Variants in PCDHGB4 observed in about 807,000 individuals in gnomAD.
PCDHGB4 encodes the protein protocadherin gamma subfamily B, 4, also known as protocadherin gamma-B4.
Under a neutral mutation model 60.5 loss-of-function variants are expected in PCDHGB4, and 38 were observed. The observed-to-expected ratio is 0.63, with a 90% CI of 0.48 to 0.82. PCDHGB4 has a LOEUF of 0.82. Ranked by LOEUF, PCDHGB4 falls within the 40% of genes least tolerant of loss-of-function variation. The probability of loss-of-function intolerance (pLI) is 0.00; values close to 1 mark genes in which losing one functional copy is unlikely to be tolerated. For missense variants in PCDHGB4, 1,109 were observed against 1,209.6 expected, an observed-to-expected ratio of 0.92 and a Z score of 1.23; for synonymous variants, 456 against 509.7, an observed-to-expected ratio of 0.89 and a Z score of 1.42.
rs2099687792 is a variant in PCDHGB4, at chr5:141,489,485, G to GT, written c.2398-5321dup. Reference sequence around the variant, plus strand: ...TATTTTTCCCTGAGCTTGATGAGTGGTGCCCTGGCAGTGAATCAAAAGATT... The same window carrying GT: ...TATTTTTCCCTGAGCTTGATGAGTGGTTGCCCTGGCAGTGAATCAAAAGATT... On this transcript the variant is annotated intron_variant, in intron 1 of 3. Coordinates refer to ENST00000519479, the MANE Select transcript of PCDHGB4 (RefSeq NM_003736.4). This position sits in a 1 kb window ranked among gnomAD's most constrained non-coding sequence, Gnocchi z 4.5. The GT allele has an allele frequency of 6.2e-7, 1 of 1,614,088 alleles. No individual in the cohort carries two copies. The highest frequency in any genetic ancestry group is 2.2e-5 in the East Asian group (1 of 44,868).
rs2099749948 is a variant in PCDHGB4 at position 141,493,762 on chromosome 5, C to T, written c.2398-1045C>T. Among the ~76,000 whole-genome samples the T allele has an allele frequency of 1.3e-5, 2 of 152,130 alleles. No homozygotes were observed. Among genetic ancestry groups the T allele is most frequent in the South Asian group, 4.1e-4 (2 of 4,830 alleles). Reference sequence around the variant, plus strand: ...TGCCACCTGTGAGCCTTGAGTGAGCCACTGGCAGTTCCGGAGCTTCCTTCT... The same window carrying T: ...TGCCACCTGTGAGCCTTGAGTGAGCTACTGGCAGTTCCGGAGCTTCCTTCT... On this transcript the variant is annotated intron_variant, in intron 1 of 3. Transcript: ENST00000519479. The surrounding 1 kb of genome is among the most constrained non-coding windows in gnomAD (Gnocchi z 4.3).
At chr5:141,433,123 C>A in intron 1 of PCDHGB4, 1 of 1,614,116 alleles carries the variant, frequency 6.2e-7, no homozygotes, top group Non-Finnish European at 8.5e-7. Context: ...TTGAAAAAAG[C>A]GAGCCCCTTT....
At chr5:141,430,837 CG>C in intron 1 of PCDHGB4, 1 of 1,560,074 alleles carries the variant, frequency 6.4e-7, no homozygotes, top group African/African-American at 1.4e-5. Flanking sequence ...TGTGGGAGAC[CG>C]GATGCACCCA....
intron 1 of PCDHGB4, chr5:141,408,227 C>G (rs771279344): frequency 1.9e-6 from 3 of 1,562,978 alleles, no homozygotes; most frequent in East Asian, 2.4e-5. Context: ...CGCGCAGAGG[C>G]GCCGGGCCGG....
rs374095590 is a variant in PCDHGB4, at chr5:141,431,523, T to C, written c.2397+41242T>C. On this transcript the variant is annotated intron_variant, in intron 1 of 3. Coordinates refer to ENST00000519479, the MANE Select transcript of PCDHGB4 (RefSeq NM_003736.4). This position sits in a 1 kb window ranked among gnomAD's most constrained non-coding sequence, Gnocchi z 4.8. ...TACCGCGCGAGCGTTCCGGAGAATC[T>C]GGCCTTGGGCACGCAGCTGCTTGTA... 13 of 1,613,952 alleles carry C rather than the reference T, an allele frequency of 8.1e-6. No homozygotes were observed. The African/African-American group carries it at 1.5e-4, about 18-fold the overall frequency.
rs533568792 is a variant in PCDHGB4 at position 141,393,506 on chromosome 5, A to G, written c.2397+3225A>G. The G allele has an allele frequency of 7.4e-6, 12 of 1,614,032 alleles. No individual in the cohort carries two copies. The East Asian group carries it at 2.5e-4, about 33-fold the overall frequency. ...CTAGCACAGTGCGCATCCACGTGAC[A>G]GTGTTGGATACAAATGACAATGCCC... On this transcript the variant is annotated intron_variant, in intron 1 of 3. Transcript: ENST00000519479.
At position 141,432,730 on chromosome 5, in the gene PCDHGB4, T is replaced by A; in HGVS notation, c.2397+42449T>A. 6.2e-7 allele frequency: 1 copy of A among 1,614,052 alleles called. No homozygotes were observed. Among genetic ancestry groups the A allele is most frequent in the Non-Finnish European group, 8.5e-7 (1 of 1,179,976 alleles). Reference sequence around the variant, plus strand: ...ACGGCCAGCCCCCTCTCTCCGCCACTGTCACGCTCACCGTGGCCGTGGCCG... The same window carrying A: ...ACGGCCAGCCCCCTCTCTCCGCCACAGTCACGCTCACCGTGGCCGTGGCCG... On this transcript the variant is annotated intron_variant, in intron 1 of 3. Transcript: ENST00000519479. The surrounding 1 kb of genome is among the most constrained non-coding windows in gnomAD (Gnocchi z 6.0).
At chr5:141,473,907 C>A (rs552055360) in intron 1 of PCDHGB4, among the ~76,000 whole-genome samples, 1 of 152,102 alleles carries the variant, frequency 6.6e-6, no homozygotes. Flanking sequence ...ATGAAGAGGT[C>A]TTAAGAAAAC....
intron 1 of PCDHGB4, among the ~76,000 whole-genome samples, chr5:141,448,007 AC>A (rs1430481139): frequency 1.3e-5 from 2 of 151,784 alleles, no homozygotes; most frequent in Non-Finnish European, 2.9e-5. Context: ...AATCGCTTGA[AC>A]CCAGGAGGTG....
intron 1 of PCDHGB4, chr5:141,478,053 T>A (rs1461280529): frequency 1.2e-6 from 2 of 1,614,010 alleles, no homozygotes; most frequent in Non-Finnish European, 1.7e-6. Context: ...ACTCTCACGG[T>A]CTTGATCAAA....
chr5:141,441,867 G>T, intron 1 of PCDHGB4: 1 of 345,800 alleles, frequency 2.9e-6, no homozygotes, highest in Non-Finnish European at 5.6e-6. Flanking sequence ...ACGCCGCGGA[G>T]CCTGGCTACC....
intron 1 of PCDHGB4, among the ~76,000 whole-genome samples, chr5:141,402,262 TA>T (rs1248031439): frequency 6.6e-6 from 1 of 151,912 alleles, no homozygotes; most frequent in Non-Finnish European, 1.5e-5. Context: ...CCCCAGAAAA[TA>T]ATTTCAAAGT....
At position 141,389,804 on chromosome 5, in the gene PCDHGB4, T is replaced by G. The variant is rs751634687; in HGVS notation, c.1920T>G (p.Leu640=). The G allele has an allele frequency of 2.3e-5, 37 of 1,613,616 alleles. No homozygotes were observed. The highest frequency in any genetic ancestry group is 3.1e-5 in the Non-Finnish European group (37 of 1,179,840). Residue 640 remains leucine (L), a synonymous_variant, in exon 1 of 4, where the codon CTT becomes CTG. Coordinates refer to ENST00000519479, the MANE Select transcript of PCDHGB4 (RefSeq NM_003736.4). ...LGDRDAVRQR[L]LVAVRDGGQP... ...ACAGGGACGCCGTCCGCCAGCGCCT[T>G]CTGGTCGCCGTGCGTGACGGTGGAC...
intron 1 of PCDHGB4, among the ~76,000 whole-genome samples, chr5:141,464,240 G>A (rs1396190870): frequency 1.3e-5 from 2 of 150,444 alleles, no homozygotes; most frequent in Non-Finnish European, 2.9e-5. Context: ...ACTCCAGCCT[G>A]GGCTACAGAG....
intron 1 of PCDHGB4, among the ~76,000 whole-genome samples, chr5:141,462,993 T>A (rs1350208420): frequency 1.3e-5 from 2 of 152,164 alleles, no homozygotes; most frequent in African/African-American, 4.8e-5. Flanking sequence ...TTGGGCTAAT[T>A]TAGACCTACC....
intron 1 of PCDHGB4, chr5:141,413,356 C>T: frequency 6.2e-7 from 1 of 1,613,962 alleles, no homozygotes; most frequent in South Asian, 1.1e-5. Context: ...TCTGGCGCCC[C>T]GGGAGCTGGC....
chr5:141,482,758 T>TGC (rs1413945459), intron 1 of PCDHGB4, among the ~76,000 whole-genome samples: 74 of 141,724 alleles, frequency 5.2e-4, no homozygotes, highest in African/African-American at 9.9e-4. Flanking sequence ...ATTATGGTAT[T>TGC]TCATTATCAC....
intron 1 of PCDHGB4, among the ~76,000 whole-genome samples, chr5:141,465,063 C>T (rs187265709): frequency 8.5e-4 from 129 of 151,534 alleles, no homozygotes; most frequent in South Asian, 1.3e-3. Context: ...TTTGAATTGT[C>T]TGTTCATGTC....
chr5:141,438,998 C>A (rs932958148), intron 1 of PCDHGB4, among the ~76,000 whole-genome samples: 7 of 151,836 alleles, frequency 4.6e-5, no homozygotes, highest in Non-Finnish European at 1.0e-4. Flanking sequence ...GGCTAAGGAC[C>A]TGGTTTGTTT....
Sources: allele counts gnomAD v4.1 joint callset (sites outside exome capture counted in the v4.1 genomes callset), GRCh38; gene constraint gnomAD v4.1.1; non-coding constraint Gnocchi (gnomAD v3.1); transcripts MANE v1.5; gene names NCBI Gene and HGNC (gene_info 2026-07-23, HGNC 2026-07-21).